CERT1: variants seen among roughly 807,000 people sequenced by gnomAD.
CERT1 encodes ceramide transfer protein.
CERT1 carries 31 observed loss-of-function variants against 87.9 expected under a neutral mutation model. That is an observed-to-expected ratio of 0.35 (90% CI 0.27 to 0.48). CERT1 has a LOEUF of 0.48. Among genes scored for constraint, CERT1 ranks in the 20% least tolerant of loss-of-function variants. The pLI is 0.99. For missense variants in CERT1, 487 were observed against 758.0 expected, an observed-to-expected ratio of 0.64 and a Z score of 4.20; for synonymous variants, 289 against 250.9, an observed-to-expected ratio of 1.15 and a Z score of -1.44.
chr5:75,376,276 A>G (rs531495430), downstream of CERT1: 1 of 152,370 alleles, frequency 6.6e-6, no homozygotes, highest in South Asian at 2.1e-4. Context: ...CTCTTGCTTT[A>G]ATACAAAGTT....
chr5:75,397,260 C>G (rs1762293227), intron 11 of CERT1, among the ~76,000 whole-genome samples: 1 of 152,150 alleles, frequency 6.6e-6, no homozygotes, highest in Non-Finnish European at 1.5e-5. Context: ...GCATATAAAA[C>G]AGTACATAAT....
At chr5:75,386,134 G>A (rs1761775263) in intron 12 of CERT1, 100 bp from the exon 13 acceptor site, 4 of 923,002 alleles carry the variant, frequency 4.3e-6, no homozygotes, top group African/African-American at 1.7e-5. Context: ...AGATTTTTAT[G>A]AAAGTCTATT....
Position 75,499,799 on chromosome 5 carries a change from T to C in CERT1, c.231+6183A>G, listed in dbSNP as rs950729850. Among the ~76,000 whole-genome samples, 9 of 152,208 alleles carry C rather than the reference T, an allele frequency of 5.9e-5. 1 individual carries two copies. In the East Asian group the frequency reaches 1.2e-3, roughly 20 times the overall value. On this transcript the variant is annotated intron_variant, in intron 2 of 16. Transcript: ENST00000643780. Reference sequence around the variant, plus strand: ...AATTTTCTTAAGCCCAGTGACGTCATAAAATAACAGATGGCAATCAGACTG... The same window carrying C: ...AATTTTCTTAAGCCCAGTGACGTCACAAAATAACAGATGGCAATCAGACTG...
At chr5:75,477,609 G>T (rs1261859689) in intron 2 of CERT1, among the ~76,000 whole-genome samples, 3 of 117,948 alleles carry the variant, frequency 2.5e-5, no homozygotes, top group East Asian at 2.7e-4. Flanking sequence ...TAAGTTCATA[G>T]AAGGTCACTT....
At position 75,379,280 on chromosome 5, in the gene CERT1, T is replaced by C. The variant is rs974178726; in HGVS notation, c.*66A>G. On this transcript the variant is annotated 3_prime_UTR_variant, in exon 17 of 17. Transcript: ENST00000643780. ...TACTTTCAACAACTAAATTTTAGTA[T>C]TGACAGTCATATTAGTCAAATAAAG... 6.7e-6 allele frequency: 9 copies of C among 1,342,138 alleles called. No individual in the cohort carries two copies. The highest frequency in any genetic ancestry group is 9.4e-6 in the Non-Finnish European group (9 of 961,130). 83.1% of individuals were successfully genotyped at this position (1,342,138 alleles called of 1,614,324 possible).
At chr5:75,400,024 A>G (rs941480785) in intron 10 of CERT1, among the ~76,000 whole-genome samples, 181 bp downstream of exon 10, 1 of 152,088 alleles carries the variant, frequency 6.6e-6, no homozygotes, top group Non-Finnish European at 1.5e-5. Context: ...CCCAGCTACC[A>G]GGGAGGCTGA....
chr5:75,501,127 G>A (rs1335236266), intron 2 of CERT1, among the ~76,000 whole-genome samples: 3 of 151,940 alleles, frequency 2.0e-5, no homozygotes, highest in African/African-American at 7.3e-5. Flanking sequence ...GACTACAGAT[G>A]TGTACCACCA....
intron 2 of CERT1, among the ~76,000 whole-genome samples, chr5:75,472,520 A>G (rs1329700856): frequency 1.3e-5 from 2 of 152,228 alleles, no homozygotes; most frequent in African/African-American, 2.4e-5. Context: ...TGCAAACTAT[A>G]TCTCTGATAA....
At chr5:75,475,451 C>A (rs1561289240) in intron 2 of CERT1, among the ~76,000 whole-genome samples, 2 of 152,090 alleles carry the variant, frequency 1.3e-5, no homozygotes, top group Non-Finnish European at 1.5e-5. Context: ...AACTTTAATA[C>A]CTACATATTT....
chr5:75,375,484 G>A (rs1364848137), downstream of CERT1: 1 of 151,554 alleles, frequency 6.6e-6, no homozygotes, highest in Non-Finnish European at 1.5e-5. Flanking sequence ...TACCCAGGGA[G>A]GTAGGAGGAA....
chr5:75,480,748 G>A (rs762037421), intron 2 of CERT1, among the ~76,000 whole-genome samples: 6 of 152,036 alleles, frequency 3.9e-5, no homozygotes, highest in Admixed American at 2.0e-4. Context: ...CAGTTGCTTC[G>A]ACCTGAATAA....
At chr5:75,394,104 AC>A (rs1334908595) in intron 11 of CERT1, among the ~76,000 whole-genome samples, 1 of 152,220 alleles carries the variant, frequency 6.6e-6, no homozygotes. Flanking sequence ...CTTTTAGCCT[AC>A]CGTATTGACA....
intron 2 of CERT1, among the ~76,000 whole-genome samples, chr5:75,486,065 G>A (rs940745631): frequency 3.9e-5 from 6 of 151,964 alleles, no homozygotes; most frequent in East Asian, 1.9e-4. Context: ...GAAAATTGCC[G>A]GCCAATATCC....
chr5:75,490,501 TTA>T (rs201280084), intron 2 of CERT1, among the ~76,000 whole-genome samples: 11,877 of 152,054 alleles, frequency 0.078, 553 homozygotes, highest in South Asian at 0.17. Context: ...AAATTTTTAT[TTA>T]TTTATTTTTT....
intron 3 of CERT1, among the ~76,000 whole-genome samples, chr5:75,436,133 C>T (rs1764087221): frequency 2.0e-5 from 3 of 152,182 alleles, no homozygotes. Flanking sequence ...CCCGGGTTCA[C>T]GCCATTCTTC....
At chr5:75,449,112 A>T (rs541991528) in intron 3 of CERT1, among the ~76,000 whole-genome samples, 1 of 152,200 alleles carries the variant, frequency 6.6e-6, no homozygotes, top group East Asian at 1.9e-4. Flanking sequence ...AATAATTAAC[A>T]AATTCATAGT....
chr5:75,403,606 C>CTA (rs1458575229), intron 8 of CERT1, among the ~76,000 whole-genome samples: 1 of 152,226 alleles, frequency 6.6e-6, no homozygotes. Flanking sequence ...TGCACAAGAA[C>CTA]TATAGCTAAT....
chr5:75,450,595 T>C (rs1486628267), intron 3 of CERT1, among the ~76,000 whole-genome samples: 1 of 152,190 alleles, frequency 6.6e-6, no homozygotes, highest in African/African-American at 2.4e-5. Flanking sequence ...TAAGGATCTG[T>C]ATAGAAAACA....
chr5:75,398,518 A>G (rs1351710663), intron 11 of CERT1, among the ~76,000 whole-genome samples: 2 of 152,204 alleles, frequency 1.3e-5, no homozygotes, highest in Non-Finnish European at 2.9e-5. Context: ...GGTCTTTAAT[A>G]TAAGATTAAC....
Sources: allele counts gnomAD v4.1 joint callset (sites outside exome capture counted in the v4.1 genomes callset), GRCh38; gene constraint gnomAD v4.1.1; transcripts MANE v1.5; gene names NCBI Gene and HGNC (gene_info 2026-07-23, HGNC 2026-07-21).